The following ITSN2 variants were observed in gnomAD, a reference collection of about 807,000 sequenced individuals.
The protein encoded by ITSN2 is intersectin-2.
Under a neutral mutation model 243.7 loss-of-function variants are expected in ITSN2, and 156 were observed. The ratio of observed to expected loss-of-function variants is 0.64; its 90% confidence interval spans 0.56 to 0.73. The LOEUF (loss-of-function observed/expected upper bound fraction) is 0.73, where lower values mean the gene tolerates loss of function less well. Among genes scored for constraint, ITSN2 ranks in the 30% least tolerant of loss-of-function variants. ITSN2 has a pLI of 0.00. For synonymous variants in ITSN2, 703 were observed against 699.9 expected, an observed-to-expected ratio of 1.00 and a Z score of -0.07; for missense variants, 1,801 against 1,996.1, an observed-to-expected ratio of 0.90 and a Z score of 1.86.
chr2:24,214,274 A>G (rs944165108), intron 32 of ITSN2: 2 of 152,224 alleles, frequency 1.3e-5, no homozygotes, highest in Admixed American at 6.5e-5. Context: ...CCTTGGAATC[A>G]TGGCTACTTT....
intron 9 of ITSN2, 67 bp from the exon 10 acceptor site, chr2:24,302,169 T>A: frequency 1.1e-6 from 1 of 951,530 alleles, no homozygotes; most frequent in South Asian, 2.2e-5. Flanking sequence ...CCTTAAAAGT[T>A]CAATTTTTAT....
chr2:24,275,659 C>A (rs964539926), intron 18 of ITSN2, 54 bp downstream of exon 18: 1 of 1,440,248 alleles, frequency 6.9e-7, no homozygotes, highest in Admixed American at 2.0e-5. Flanking sequence ...ATATGAGCAA[C>A]AAAATTACAA....
intron 29 of ITSN2, among the ~76,000 whole-genome samples, chr2:24,238,371 T>C (rs1475021362): frequency 6.6e-6 from 1 of 152,182 alleles, no homozygotes; most frequent in African/African-American, 2.4e-5. Flanking sequence ...GAGGAAAGGC[T>C]TTTTGGAAAG....
intron 15 of ITSN2, among the ~76,000 whole-genome samples, chr2:24,292,538 G>C (rs1680392998): frequency 6.6e-6 from 1 of 152,184 alleles, no homozygotes; most frequent in African/African-American, 2.4e-5. Context: ...GTTCACAAGA[G>C]TGAACTTCAT....
chr2:24,332,245 A>G (rs1363792089), intron 1 of ITSN2, among the ~76,000 whole-genome samples: 2 of 152,220 alleles, frequency 1.3e-5, no homozygotes, highest in African/African-American at 4.8e-5. Flanking sequence ...TCCGTCTCAA[A>G]AAAAAAGGAA....
In ITSN2 at chr2:24,297,227, A is replaced by C. The variant is rs141159873; in HGVS notation, c.1495-1423T>G. 3.2e-4 allele frequency among the ~76,000 whole-genome samples: 49 copies of C among 152,348 alleles called. 1 individual carries two copies. In the East Asian group the frequency reaches 8.3e-3, roughly 26 times the overall value. On this transcript the variant is annotated intron_variant, in intron 13 of 39. Coordinates refer to ENST00000355123, the MANE Select transcript of ITSN2 (RefSeq NM_006277.3). ...TAATGTAATTCAAGTCATCAACCAA[A>C]TAAAATGTTAGACTATGATCACACA... is the stretch of plus-strand genomic sequence containing the variant.
In ITSN2 at chr2:24,269,582, C is replaced by A. The variant is rs116764775; in HGVS notation, c.2355+1089G>T. On this transcript the variant is annotated intron_variant, in intron 20 of 39. Transcript: ENST00000355123. Reference sequence around the variant, plus strand: ...ACCATGGGAGAGGTCTGTGCTAAAGCTGGTAGCAGTCTACAACCTTTTCCT... The same window carrying A: ...ACCATGGGAGAGGTCTGTGCTAAAGATGGTAGCAGTCTACAACCTTTTCCT... Among the ~76,000 whole-genome samples, 476 of 152,280 alleles carry A rather than the reference C, an allele frequency of 3.1e-3. 4 individuals carry two copies. The highest frequency in any genetic ancestry group is 0.011 in the African/African-American group (447 of 41,546).
At chr2:24,301,686 T>G (rs1331755332) in intron 10 of ITSN2, among the ~76,000 whole-genome samples, 1 of 151,918 alleles carries the variant, frequency 6.6e-6, no homozygotes, top group Non-Finnish European at 1.5e-5. Flanking sequence ...CCACCACACC[T>G]GGCTAATTAT....
In ITSN2 at chr2:24,257,984, T is replaced by C. The variant is rs1174501808; in HGVS notation, c.2792A>G (p.Gln931Arg). ...KHDIITVLEQ[Q>R]ENWWFGEVHG... ...CACCTCCCCAAACCACCAATTTTCT[T>C]GCTGCTCCAAGACAGTAATAATGTC... Residue 931 changes from glutamine (Q) to arginine (R), a missense_variant, in exon 23 of 40, where the codon CAA (glutamine) becomes CGA (arginine). Gln to Arg is a conservative substitution (Grantham distance 43). Coordinates refer to ENST00000355123, the MANE Select transcript of ITSN2 (RefSeq NM_006277.3). 6.2e-7 allele frequency: 1 copy of C among 1,614,098 alleles called. No individual in the cohort carries two copies. The highest frequency in any genetic ancestry group is 1.1e-5 in the South Asian group (1 of 91,082).
Position 24,225,902 on chromosome 2 carries a change from T to C in ITSN2, c.3578-4836A>G, listed in dbSNP as rs930681080. On this transcript the variant is annotated intron_variant, in intron 29 of 39. Coordinates refer to ENST00000355123, the MANE Select transcript of ITSN2 (RefSeq NM_006277.3). This position sits in a 1 kb window ranked among gnomAD's most constrained non-coding sequence, Gnocchi z 4.2. ...GATGAACTGAGGAATTCGGGTTTTATGGATAGGATACACCCCTTTGCCACT... is the reference window on the plus strand; with the variant it reads ...GATGAACTGAGGAATTCGGGTTTTACGGATAGGATACACCCCTTTGCCACT... 1.3e-5 allele frequency among the ~76,000 whole-genome samples: 2 copies of C among 152,230 alleles called. No individual in the cohort carries two copies. Among genetic ancestry groups the C allele is most frequent in the Non-Finnish European group, 2.9e-5 (2 of 68,038 alleles).
Position 24,271,916 on chromosome 2 carries a change from A to C in ITSN2, c.2107T>G (p.Leu703Val), listed in dbSNP as rs768444434. The change falls in exon 19 of 40, where the codon TTA becomes GTA. Residue 703 changes from leucine (L) to valine (V), a missense_variant. Leu to Val is a conservative substitution (Grantham distance 32, BLOSUM62 1). Transcript: ENST00000355123. ...TCCTTTCTAAGATTTTCTTTCCATAAGTTTTCTTTTCCTTGCTTTGCTTTC... is the reference window on the plus strand; with the variant it reads ...TCCTTTCTAAGATTTTCTTTCCATACGTTTTCTTTTCCTTGCTTTGCTTTC... ...ARKAKQGKEN[L>V]WKENLRKEEE... 6.3e-7 allele frequency: 1 copy of C among 1,579,140 alleles called. No individual in the cohort carries two copies. Among genetic ancestry groups the C allele is most frequent in the Non-Finnish European group, 8.6e-7 (1 of 1,165,278 alleles).
At chr2:24,299,506 TAGAG>T (rs1197045767) in intron 12 of ITSN2, among the ~76,000 whole-genome samples, 1 of 152,190 alleles carries the variant, frequency 6.6e-6, no homozygotes, top group Non-Finnish European at 1.5e-5. Flanking sequence ...GATTCCTCTC[TAGAG>T]AGACTTTCAA....
chr2:24,229,603 GA>G (rs1671381117), intron 29 of ITSN2, among the ~76,000 whole-genome samples: 2 of 151,918 alleles, frequency 1.3e-5, no homozygotes, highest in African/African-American at 4.8e-5. Flanking sequence ...ACAACACAAA[GA>G]ACCCACAGAA....
intron 32 of ITSN2, among the ~76,000 whole-genome samples, chr2:24,215,533 G>T (rs565172346): frequency 1.3e-5 from 2 of 152,160 alleles, no homozygotes; most frequent in South Asian, 2.1e-4. Context: ...CAGGCGTGGT[G>T]GCACATGCCT....
chr2:24,310,265 C>A lies in ITSN2; in HGVS notation c.653+19G>T. On this transcript the variant is annotated intron_variant, in intron 7 of 39. Coordinates refer to ENST00000355123, the MANE Select transcript of ITSN2 (RefSeq NM_006277.3). ...TCTTACTGAAAGCATAAAAAGTTGT[C>A]AGAGTTAGCTATTCATACCTACTAG... is the stretch of plus-strand genomic sequence containing the variant. 1 of 1,503,856 alleles carries A rather than the reference C, an allele frequency of 6.6e-7. No individual in the cohort carries two copies. The highest frequency in any genetic ancestry group is 1.2e-5 in the South Asian group (1 of 83,554). The allele number at this position is 1,503,856 out of a possible 1,614,324, so 93.2% of individuals were successfully genotyped here. A position where few individuals can be genotyped will look rare whatever the true frequency, so the allele number is the denominator to read the frequency against.
At chr2:24,289,376 A>C (rs1377217668) in intron 15 of ITSN2, among the ~76,000 whole-genome samples, 2 of 152,152 alleles carry the variant, frequency 1.3e-5, no homozygotes, top group Admixed American at 1.3e-4. Flanking sequence ...GCTGTCATGA[A>C]TAATATTGTT....
chr2:24,270,599 C>T (rs1677217055), intron 20 of ITSN2, 72 bp downstream of exon 20: 3 of 746,314 alleles, frequency 4.0e-6, no homozygotes, highest in African/African-American at 1.8e-5. Context: ...TAATGGTCAA[C>T]ATTACTACAG....
At chr2:24,220,808 T>G in intron 30 of ITSN2, 137 bp downstream of exon 30, 1 of 1,438,016 alleles carries the variant, frequency 7.0e-7, no homozygotes, top group Non-Finnish European at 9.1e-7. Flanking sequence ...AGAGCTTCCG[T>G]CACTATTTGT....
intron 1 of ITSN2, among the ~76,000 whole-genome samples, chr2:24,328,553 C>T (rs563271755): frequency 2.6e-5 from 4 of 152,106 alleles, no homozygotes; most frequent in African/African-American, 9.6e-5. Context: ...ACCTCTGCCT[C>T]CTGGGTTCAA....
Sources: gnomAD v4.1 joint callset for allele counts (sites outside exome capture counted in the v4.1 genomes callset) on GRCh38, gnomAD v4.1.1 for gene constraint, Gnocchi (gnomAD v3.1) non-coding constraint, MANE v1.5 for transcripts, NCBI Gene and HGNC (gene_info 2026-07-23, HGNC 2026-07-21) for gene names.